Variants in PLCH1 observed in about 807,000 individuals in gnomAD.
The protein encoded by PLCH1 is phospholipase C eta 1, also known as 1-phosphatidylinositol 4,5-bisphosphate phosphodiesterase eta-1.
PLCH1 carries 60 observed loss-of-function variants against 126.7 expected under a neutral mutation model. That is an observed-to-expected ratio of 0.47 (90% CI 0.38 to 0.59). The LOEUF is 0.59. Among genes scored for constraint, PLCH1 ranks in the 20% least tolerant of loss-of-function variants. The pLI is 0.00. For missense variants in PLCH1, 1,723 were observed against 2,040.0 expected, an observed-to-expected ratio of 0.84 and a Z score of 2.99; for synonymous variants, 719 against 734.9, an observed-to-expected ratio of 0.98 and a Z score of 0.35.
intron 10 of PLCH1, among the ~76,000 whole-genome samples, chr3:155,525,980 G>T (rs1248446701): frequency 1.3e-5 from 2 of 152,074 alleles, no homozygotes; most frequent in African/African-American, 4.8e-5. Flanking sequence ...AGGACAGCAG[G>T]GGGTAAGGCC....
At chr3:155,694,851 A>G (rs1315964987) in intron 2 of PLCH1, among the ~76,000 whole-genome samples, 1 of 151,154 alleles carries the variant, frequency 6.6e-6, no homozygotes, top group Non-Finnish European at 1.5e-5. Flanking sequence ...ATAAAAGTGC[A>G]TCTTCTTAAC....
At chr3:155,631,493 C>T (rs1738015017) in intron 2 of PLCH1, among the ~76,000 whole-genome samples, 1 of 152,168 alleles carries the variant, frequency 6.6e-6, no homozygotes, top group Non-Finnish European at 1.5e-5. Context: ...ACATTCAGTA[C>T]AGGAATGAAC....
intron 2 of PLCH1, among the ~76,000 whole-genome samples, chr3:155,602,260 G>A (rs1733839534): frequency 6.6e-6 from 1 of 152,076 alleles, no homozygotes; most frequent in Non-Finnish European, 1.5e-5. Context: ...AAAAGAATGG[G>A]AAATGTTTTA....
downstream of PLCH1, among the ~76,000 whole-genome samples, chr3:155,475,364 A>G (rs900280923): frequency 1.3e-5 from 2 of 152,076 alleles, no homozygotes; most frequent in Non-Finnish European, 2.9e-5. Flanking sequence ...CTACATTTAA[A>G]AAGAGGAAAA....
At chr3:155,658,191 G>A (rs542308137) in intron 2 of PLCH1, 53 of 207,792 alleles carry the variant, frequency 2.6e-4, no homozygotes, top group African/African-American at 1.2e-3. Context: ...AGGAAACTGC[G>A]AGGCAACATC....
At chr3:155,676,077 T>A in intron 2 of PLCH1, 1 of 1,477,426 alleles carries the variant, frequency 6.8e-7, no homozygotes, top group Non-Finnish European at 9.0e-7. Flanking sequence ...GCAAGAGCAG[T>A]ACAATTTCTC....
rs897658042 is a variant in PLCH1 at position 155,734,930 on chromosome 3, C to G, written c.-41+9910G>C. 2.6e-5 allele frequency among the ~76,000 whole-genome samples: 4 copies of G among 152,020 alleles called. No individual in the cohort carries two copies. In the South Asian group the frequency reaches 8.3e-4, roughly 32 times the overall value. On this transcript the variant is annotated intron_variant, in intron 1 of 22. Transcript: ENST00000460012. ...TTCACCATATTAGCCAGGATGGTCT[C>G]GATCTCCTGACCTTGTGATCCTCCC...
chr3:155,614,691 C>T (rs1342080217), intron 2 of PLCH1, among the ~76,000 whole-genome samples: 1 of 152,164 alleles, frequency 6.6e-6, no homozygotes, highest in African/African-American at 2.4e-5. Flanking sequence ...AGAAAGGCCA[C>T]CCTATTCAAC....
chr3:155,575,564 C>CAT (rs1349383980), intron 6 of PLCH1, among the ~76,000 whole-genome samples: 2 of 152,214 alleles, frequency 1.3e-5, no homozygotes, highest in African/African-American at 4.8e-5. Context: ...TAACTATCCA[C>CAT]ATGCATATTT....
At chr3:155,587,621 G>T (rs1731556820) in intron 4 of PLCH1, among the ~76,000 whole-genome samples, 1 of 152,216 alleles carries the variant, frequency 6.6e-6, no homozygotes, top group Admixed American at 6.5e-5. Flanking sequence ...GTGCTAGGAG[G>T]TGCCCTCAAA....
At position 155,569,750 on chromosome 3, in the gene PLCH1, T is replaced by C. The variant is rs192899365; in HGVS notation, c.772-1426A>G. Among the ~76,000 whole-genome samples the C allele has an allele frequency of 5.3e-3, 804 of 152,322 alleles. 7 individuals carry two copies. Among genetic ancestry groups the C allele is most frequent in the African/African-American group, 0.019 (776 of 41,574 alleles). On this transcript the variant is annotated intron_variant, in intron 6 of 22. Transcript: ENST00000460012. ...ATGCCGTGTGAAGACTAAGTTCACT[T>C]TGCAATTATTTTGTTTATAAGCCCA...
At chr3:155,472,316 T>C (rs1278205087) in intron 21 of PLCH1, among the ~76,000 whole-genome samples, 1 of 152,164 alleles carries the variant, frequency 6.6e-6, no homozygotes, top group African/African-American at 2.4e-5. Flanking sequence ...ACAAATAAAC[T>C]AGAAAATCTA....
At chr3:155,700,960 T>C (rs1746229113) in intron 2 of PLCH1, among the ~76,000 whole-genome samples, 1 of 152,166 alleles carries the variant, frequency 6.6e-6, no homozygotes, top group South Asian at 2.1e-4. Context: ...GAGATTAGCT[T>C]CTCTGATAGG....
At chr3:155,646,370 C>T (rs1160330080) in intron 2 of PLCH1, among the ~76,000 whole-genome samples, 3 of 152,150 alleles carry the variant, frequency 2.0e-5, no homozygotes, top group Non-Finnish European at 4.4e-5. Context: ...CAGCACTCAC[C>T]TTAGCTGTCA....
intron 2 of PLCH1, among the ~76,000 whole-genome samples, chr3:155,611,353 G>A (rs1735069692): frequency 6.6e-6 from 1 of 152,046 alleles, no homozygotes; most frequent in Admixed American, 6.5e-5. Context: ...TCAGGCCACT[G>A]CGCTCCAGCC....
At chr3:155,519,394 CT>C (rs1213796849) in intron 11 of PLCH1, among the ~76,000 whole-genome samples, 2 of 152,140 alleles carry the variant, frequency 1.3e-5, no homozygotes, top group African/African-American at 2.4e-5. Context: ...TAAATCTGAT[CT>C]AGGAATCCCT....
chr3:155,676,973 T>C (rs1224077965), intron 2 of PLCH1, among the ~76,000 whole-genome samples: 1 of 152,220 alleles, frequency 6.6e-6, no homozygotes, highest in African/African-American at 2.4e-5. Context: ...TAAACATTAT[T>C]TGCAACTTTA....
At chr3:155,693,918 G>A (rs981550973) in intron 2 of PLCH1, among the ~76,000 whole-genome samples, 17 of 151,110 alleles carry the variant, frequency 1.1e-4, no homozygotes, top group African/African-American at 3.4e-4. Context: ...CCTCAGGAGC[G>A]AAACTCTGTC....
intron 1 of PLCH1, among the ~76,000 whole-genome samples, chr3:155,738,787 CAAA>C (rs34836979): frequency 1.7e-5 from 2 of 119,766 alleles, no homozygotes; most frequent in African/African-American, 3.2e-5. Flanking sequence ...ACTCCACCTC[CAAA>C]AAAAAAAAAA....
Sources: allele counts gnomAD v4.1 joint callset (sites outside exome capture counted in the v4.1 genomes callset), GRCh38; gene constraint gnomAD v4.1.1; transcripts MANE v1.5; gene names NCBI Gene and HGNC (gene_info 2026-07-23, HGNC 2026-07-21).